SKAP2: variants seen among roughly 807,000 people sequenced by gnomAD.
SKAP2 encodes the protein src kinase associated phosphoprotein 2.
In SKAP2, 28 loss-of-function variants were observed where a neutral mutation model predicts 54.9. The ratio of observed to expected loss-of-function variants is 0.51; its 90% CI spans 0.38 to 0.70. SKAP2 has a LOEUF of 0.70. Among genes scored for constraint, SKAP2 ranks in the 30% least tolerant of loss-of-function variants. SKAP2 has a pLI of 0.00. For synonymous variants in SKAP2, 137 were observed against 134.3 expected (o/e 1.02, Z -0.14); for missense variants, 356 against 424.1 (o/e 0.84, Z 1.41).
At chr7:26,731,191 C>T (rs950412720) in intron 6 of SKAP2, among the ~76,000 whole-genome samples, 3 of 152,166 alleles carry the variant, frequency 2.0e-5, no homozygotes, top group Non-Finnish European at 4.4e-5. Context: ...CCTGTTAACA[C>T]AGAATTGGCT....
intron 4 of SKAP2, among the ~76,000 whole-genome samples, chr7:26,780,964 T>C (rs1004687457): frequency 1.3e-5 from 2 of 152,196 alleles, no homozygotes; most frequent in African/African-American, 4.8e-5. Flanking sequence ...GATATGTTTA[T>C]AAATTTCAAA....
intron 4 of SKAP2, among the ~76,000 whole-genome samples, chr7:26,840,479 T>C (rs1273832080): frequency 6.6e-6 from 1 of 152,090 alleles, no homozygotes; most frequent in Admixed American, 6.6e-5. Context: ...CAAGTAATTA[T>C]ATGGTGTCTA....
At position 26,829,545 on chromosome 7, in the gene SKAP2, AAAAC is replaced by A. The variant is rs1168664878; in HGVS notation, c.307+14481_307+14484del. 2.0e-5 allele frequency among the ~76,000 whole-genome samples: 3 copies of A among 152,304 alleles called. No individual in the cohort carries two copies. The East Asian group carries it at 5.8e-4, about 29-fold the overall frequency. On this transcript the variant is annotated intron_variant, in intron 4 of 12. Transcript: ENST00000345317. ...GGGTGACAAAGCAAGACTCTGGCTC[AAAAC>A]AAACAAACAAAAAACAATAAAAAGC...
chr7:26,849,626 A>G (rs1012133031), intron 3 of SKAP2, among the ~76,000 whole-genome samples: 6 of 149,098 alleles, frequency 4.0e-5, no homozygotes, highest in African/African-American at 1.5e-4. Context: ...TAGAGGTTGT[A>G]GTGAGCAGAG....
intron 3 of SKAP2, among the ~76,000 whole-genome samples, chr7:26,844,592 T>C (rs1784886793): frequency 6.6e-6 from 1 of 152,136 alleles, no homozygotes; most frequent in South Asian, 2.1e-4. Context: ...GATGAGAAAC[T>C]AATAATTTGA....
At chr7:26,682,058 A>ATT (rs1173926687) in intron 11 of SKAP2, among the ~76,000 whole-genome samples, 1 of 152,226 alleles carries the variant, frequency 6.6e-6, no homozygotes, top group African/African-American at 2.4e-5. Context: ...AAATCTTAAT[A>ATT]TAACTCTGAG....
At chr7:26,835,553 GACAA>G (rs748125297) in intron 4 of SKAP2, among the ~76,000 whole-genome samples, 24 of 152,010 alleles carry the variant, frequency 1.6e-4, no homozygotes, top group Non-Finnish European at 2.7e-4. Flanking sequence ...ACCAATAATA[GACAA>G]ACAGCCAAAT....
intron 4 of SKAP2, among the ~76,000 whole-genome samples, chr7:26,770,872 G>C (rs1783174873): frequency 6.6e-6 from 1 of 152,122 alleles, no homozygotes; most frequent in Non-Finnish European, 1.5e-5. Flanking sequence ...GTCTCACTGG[G>C]AGCTGCAGAC....
chr7:26,840,740 G>A (rs1421376466), intron 4 of SKAP2, among the ~76,000 whole-genome samples: 1 of 151,864 alleles, frequency 6.6e-6, no homozygotes. Flanking sequence ...CTAATAAAAT[G>A]AAACTTCTAA....
intron 9 of SKAP2, 92 bp downstream of exon 9, chr7:26,725,336 C>T (rs567495082): frequency 5.7e-6 from 5 of 877,418 alleles, no homozygotes; most frequent in South Asian, 4.1e-5. Flanking sequence ...CTCAAGCTGT[C>T]GAGGACAAAT....
intron 4 of SKAP2, among the ~76,000 whole-genome samples, chr7:26,785,186 A>G (rs1283039960): frequency 6.6e-6 from 1 of 151,610 alleles, no homozygotes. Context: ...GAGGAAACAG[A>G]GTGTTTTTTT....
chr7:26,859,711 A>G (rs1785242011), intron 1 of SKAP2, among the ~76,000 whole-genome samples: 1 of 152,202 alleles, frequency 6.6e-6, no homozygotes, highest in African/African-American at 2.4e-5. Flanking sequence ...GCACCTTACA[A>G]TAATCAAAAT....
At chr7:26,847,188 T>C (rs947907537) in intron 3 of SKAP2, among the ~76,000 whole-genome samples, 14 of 152,118 alleles carry the variant, frequency 9.2e-5, no homozygotes, top group African/African-American at 3.4e-4. Flanking sequence ...TTTCTCCCCA[T>C]AATCCTTTGA....
At chr7:26,801,306 TC>T (rs1370622313) in intron 4 of SKAP2, among the ~76,000 whole-genome samples, 4 of 152,074 alleles carry the variant, frequency 2.6e-5, no homozygotes, top group Admixed American at 1.3e-4. Flanking sequence ...AAATTCAACA[TC>T]CCTTCATGAC....
chr7:26,657,080 A>C, the SKAP2 span, among the ~76,000 whole-genome samples: 8,572 of 152,276 alleles, frequency 0.056, 803 homozygotes, highest in African/African-American at 0.2. Flanking sequence ...TAATAATAAT[A>C]ATCATAAAGA....
intron 9 of SKAP2, among the ~76,000 whole-genome samples, chr7:26,704,189 T>C (rs1363463173): frequency 6.6e-6 from 1 of 152,254 alleles, no homozygotes; most frequent in Non-Finnish European, 1.5e-5. Flanking sequence ...AGACAAGTCA[T>C]GTTTGTAATG....
At chr7:26,787,418 G>A (rs1413646934) in intron 4 of SKAP2, among the ~76,000 whole-genome samples, 3 of 151,850 alleles carry the variant, frequency 2.0e-5, no homozygotes, top group Non-Finnish European at 4.4e-5. Flanking sequence ...TGCCTCCTGG[G>A]CTCAAGCAAT....
Position 26,857,154 on chromosome 7 carries a change from C to CT in SKAP2, c.68-2265dup, listed in dbSNP as rs34940910. Reference sequence around the variant, plus strand: ...CAGAAATTCAGAGATTGGGTATGGTCTTTTTTTTTTTTTTTTTAGAGTAGC... The same window carrying CT: ...CAGAAATTCAGAGATTGGGTATGGTCTTTTTTTTTTTTTTTTTTAGAGTAGC... On this transcript the variant is annotated intron_variant, in intron 1 of 12. Coordinates refer to ENST00000345317, the MANE Select transcript of SKAP2 (RefSeq NM_003930.5). Among the ~76,000 whole-genome samples, 103 of 131,992 alleles carry CT rather than the reference C, an allele frequency of 7.8e-4. 1 individual carries two copies. Among genetic ancestry groups the CT allele is most frequent in the African/African-American group, 2.2e-3 (77 of 35,406 alleles). 86.6% of individuals were successfully genotyped at this position (131,992 alleles called of 152,430 possible). A position where few individuals can be genotyped will look rare whatever the true frequency, so the allele number is the denominator to read the frequency against.
Position 26,854,175 on chromosome 7 carries a change from G to T in SKAP2, c.174-13C>A. 6.4e-7 allele frequency: 1 copy of T among 1,551,586 alleles called. No individual in the cohort carries two copies. The highest frequency in any genetic ancestry group is 1.2e-5 in the South Asian group (1 of 81,740). ...TTCCTGAAGATAGCTACAAAACAAAGAACATATTTTTAAATGAGGTTGAAA... is the reference window on the plus strand; with the variant it reads ...TTCCTGAAGATAGCTACAAAACAAATAACATATTTTTAAATGAGGTTGAAA... On this transcript the variant is annotated splice_polypyrimidine_tract_variant and intron_variant, in intron 2 of 12. Transcript: ENST00000345317.
Sources: allele counts gnomAD v4.1 joint callset (sites outside exome capture counted in the v4.1 genomes callset), GRCh38; gene constraint gnomAD v4.1.1; transcripts MANE v1.5; gene names NCBI Gene and HGNC (gene_info 2026-07-23, HGNC 2026-07-21).